MLLT1: variants seen among roughly 807,000 people sequenced by gnomAD.
MLLT1 encodes the protein protein ENL.
MLLT1 carries 11 observed loss-of-function variants against 55.1 expected under a neutral mutation model. The ratio of observed to expected loss-of-function variants is 0.20; its 90% CI spans 0.13 to 0.33. The LOEUF is 0.33. Ranked by LOEUF, MLLT1 falls within the 10% of genes least tolerant of loss-of-function variation. The pLI is 1.00. For missense variants in MLLT1, 536 were observed against 760.6 expected (o/e 0.70, Z 3.47); for synonymous variants, 323 against 320.1 (o/e 1.01, Z -0.10).
intron 1 of MLLT1, among the ~76,000 whole-genome samples, chr19:6,276,670 G>A (rs977263199): frequency 3.3e-5 from 5 of 151,864 alleles, no homozygotes; most frequent in Non-Finnish European, 7.4e-5. Context: ...CCTCCCCCCG[G>A]CCCCAGCCCA....
chr19:6,228,018 G>A (rs958244440), intron 4 of MLLT1, among the ~76,000 whole-genome samples: 5 of 152,208 alleles, frequency 3.3e-5, no homozygotes, highest in Admixed American at 6.5e-5. Context: ...TTTCATCTAA[G>A]GACACTGATG....
intron 2 of MLLT1, among the ~76,000 whole-genome samples, chr19:6,268,621 A>C (rs1319525369): frequency 6.6e-6 from 1 of 152,188 alleles, no homozygotes; most frequent in Non-Finnish European, 1.5e-5. Flanking sequence ...TCCCTCTCTA[A>C]AGTTTTATTC....
chr19:6,253,166 G>A (rs2091232410), intron 3 of MLLT1, among the ~76,000 whole-genome samples: 1 of 144,672 alleles, frequency 6.9e-6, no homozygotes, highest in Admixed American at 7.2e-5. Flanking sequence ...TCGGGAGGCT[G>A]AAGCAAGAGA....
rs2091261336 is a variant in MLLT1 at position 6,256,862 on chromosome 19, G to C, written c.276+5366C>G. On this transcript the variant is annotated intron_variant, in intron 3 of 11. Transcript: ENST00000252674. The surrounding 1 kb of genome is among the most constrained non-coding windows in gnomAD (Gnocchi z 4.1). Reference sequence around the variant, plus strand: ...GTAGACCAATGAAATAGAATTCAGAGTCCAGTTTTAAACCCCAAATCTATG... The same window carrying C: ...GTAGACCAATGAAATAGAATTCAGACTCCAGTTTTAAACCCCAAATCTATG... 2.0e-5 allele frequency among the ~76,000 whole-genome samples: 3 copies of C among 152,214 alleles called. No individual in the cohort carries two copies. The highest frequency in any genetic ancestry group is 4.4e-5 in the Non-Finnish European group (3 of 68,048).
At chr19:6,234,558 A>G (rs1165560811) in intron 3 of MLLT1, among the ~76,000 whole-genome samples, 1 of 152,210 alleles carries the variant, frequency 6.6e-6, no homozygotes, top group Non-Finnish European at 1.5e-5. Context: ...AGCTGACCCA[A>G]GAAGGACCAC....
rs373581955 is a variant in MLLT1, at chr19:6,270,754, G to A, written c.18C>T (p.Thr6=). The stretch of plus-strand genomic sequence containing the variant: ...GCCCCAGCTCTAACCTCACCTGGAC[G>A]GTGCACTGGAGGAGAGAGAGGTGGG... The part of the protein sequence containing the change: MDNQC[T]VQVRLELGHR... Residue 6 remains threonine (T), a synonymous_variant, in exon 2 of 12, where the codon ACC becomes ACT. Coordinates refer to ENST00000252674, the MANE Select transcript of MLLT1 (RefSeq NM_005934.4). The surrounding 1 kb of genome is among the most constrained non-coding windows in gnomAD (Gnocchi z 7.1). 8.1e-6 allele frequency: 13 copies of A among 1,604,234 alleles called. No individual in the cohort carries two copies. Among genetic ancestry groups the A allele is most frequent in the East Asian group, 2.2e-5 (1 of 44,586 alleles).
chr19:6,215,155 G>A (rs368825462), intron 8 of MLLT1, among the ~76,000 whole-genome samples: 44 of 151,764 alleles, frequency 2.9e-4, no homozygotes, highest in South Asian at 8.3e-4. Context: ...TGGCCTGGGC[G>A]CTCCCTGCCC....
At chr19:6,232,466 A>G (rs553134183) in intron 3 of MLLT1, among the ~76,000 whole-genome samples, 3 of 152,258 alleles carry the variant, frequency 2.0e-5, no homozygotes, top group Non-Finnish European at 2.9e-5. Flanking sequence ...GGACGTAAGC[A>G]CTAACGCCAC....
At chr19:6,243,437 CTGCATTATAA>C (rs1185718552) in intron 3 of MLLT1, among the ~76,000 whole-genome samples, 1 of 152,212 alleles carries the variant, frequency 6.6e-6, no homozygotes, top group African/African-American at 2.4e-5. Flanking sequence ...GGAGCCAGGT[CTGCATTATAA>C]TGTCACTGAC....
chr19:6,215,221 C>T lies in MLLT1; in HGVS notation c.1308-1183G>A, dbSNP rs528937566. ...TCACCCAGGGCCCACACAAACGTTC[C>T]GGGAGGAATCAAAAGGCGCTTCGCG... On this transcript the variant is annotated intron_variant, in intron 8 of 11. Transcript: ENST00000252674. Among the ~76,000 whole-genome samples the T allele has an allele frequency of 3.9e-5, 6 of 152,360 alleles. No homozygotes were observed. In the South Asian group the frequency reaches 8.3e-4, roughly 21 times the overall value.
chr19:6,278,230 G>A (rs1419916879), intron 1 of MLLT1, among the ~76,000 whole-genome samples: 1 of 152,246 alleles, frequency 6.6e-6, no homozygotes, highest in African/African-American at 2.4e-5. Flanking sequence ...GAAAGCCAGG[G>A]CAGCAGAGGA....
chr19:6,213,378 G>A lies in MLLT1; in HGVS notation c.1510C>T (p.Arg504Trp). 1.9e-6 allele frequency: 3 copies of A among 1,611,984 alleles called. No homozygotes were observed. Among genetic ancestry groups the A allele is most frequent in the Non-Finnish European group, 2.5e-6 (3 of 1,179,910 alleles). ...AYTDELVELH[R>W]RLMALRERNV... ...CGCTCCCGCAGCGCCATCAGCCTCCGGTGTAGCTCCACCAGCTCATCCGTG... is the reference window on the plus strand; with the variant it reads ...CGCTCCCGCAGCGCCATCAGCCTCCAGTGTAGCTCCACCAGCTCATCCGTG... The change falls in exon 11 of 12, where the codon CGG becomes TGG. Residue 504 changes from arginine to tryptophan, a missense_variant. Arg to Trp is a moderately radical substitution (Grantham distance 101). Coordinates refer to ENST00000252674, the MANE Select transcript of MLLT1 (RefSeq NM_005934.4).
rs991685483 is a variant in MLLT1 at position 6,226,226 on chromosome 19, G to A, written c.546+751C>T. ...GAGAGATGTGTGGGTGGCAGGCACC[G>A]GGCAGCTGCCCCGAGGGCCCGTGCC... On this transcript the variant is annotated intron_variant, in intron 5 of 11. Coordinates refer to ENST00000252674, the MANE Select transcript of MLLT1 (RefSeq NM_005934.4). This position sits in a 1 kb window ranked among gnomAD's most constrained non-coding sequence, Gnocchi z 6.3. Among the ~76,000 whole-genome samples the A allele has an allele frequency of 2.6e-5, 4 of 152,212 alleles. No homozygotes were observed. Among genetic ancestry groups the A allele is most frequent in the Admixed American group, 2.0e-4 (3 of 15,280 alleles).
rs1000181700 is a variant in MLLT1 at position 6,252,458 on chromosome 19, G to GA, written c.276+9769dup. Among the ~76,000 whole-genome samples the GA allele has an allele frequency of 3.3e-4, 51 of 152,246 alleles. 1 individual carries two copies. The highest frequency in any genetic ancestry group is 1.1e-3 in the African/African-American group (45 of 41,536). The stretch of plus-strand genomic sequence containing the variant: ...GTCTCTCCTATTGATTTTGTCTGGA[G>GA]AAAAAACCCCAACAAATACAACAAC... On this transcript the variant is annotated intron_variant, in intron 3 of 11. Coordinates refer to ENST00000252674, the MANE Select transcript of MLLT1 (RefSeq NM_005934.4).
chr19:6,227,192 C>A lies in MLLT1; in HGVS notation c.421-90G>T, dbSNP rs2090964225. 1.5e-6 allele frequency: 2 copies of A among 1,351,136 alleles called. No individual in the cohort carries two copies. The highest frequency in any genetic ancestry group is 2.7e-5 in the South Asian group (2 of 72,750). The allele number at this position is 1,351,136 out of a possible 1,614,324, so 83.7% of individuals were successfully genotyped here. On this transcript the variant is annotated intron_variant, in intron 4 of 11. Coordinates refer to ENST00000252674, the MANE Select transcript of MLLT1 (RefSeq NM_005934.4). The surrounding 1 kb of genome is among the most constrained non-coding windows in gnomAD (Gnocchi z 5.1). ...CTGAAGGTGGTGGGGCTTCCCTCTG[C>A]AGGAGGGGAGAAGGGAGAGCCTGAG... is the stretch of plus-strand genomic sequence containing the variant.
rs1230184305 is a variant in MLLT1 at position 6,229,017 on chromosome 19, T to C, written c.420+1553A>G. ...TGTTGAGACGATGCCCTCAGAGCCT[T>C]CATCGCTGTGGAGCAAAGGAAGCCG... On this transcript the variant is annotated intron_variant, in intron 4 of 11. Transcript: ENST00000252674. The surrounding 1 kb of genome is among the most constrained non-coding windows in gnomAD (Gnocchi z 5.2). 3.3e-5 allele frequency among the ~76,000 whole-genome samples: 5 copies of C among 152,256 alleles called. No homozygotes were observed. The East Asian group carries it at 7.7e-4, about 24-fold the overall frequency.
At chr19:6,233,160 C>A (rs1025120237) in intron 3 of MLLT1, among the ~76,000 whole-genome samples, 1 of 152,226 alleles carries the variant, frequency 6.6e-6, no homozygotes, top group African/African-American at 2.4e-5. Flanking sequence ...CCCCAGCCTG[C>A]CTGCAGTGCC....
At chr19:6,215,491 T>C (rs2090832944) in intron 8 of MLLT1, among the ~76,000 whole-genome samples, 1 of 152,100 alleles carries the variant, frequency 6.6e-6, no homozygotes, top group African/African-American at 2.4e-5. Context: ...GAGCCACTGC[T>C]CCTGCTCTGT....
At chr19:6,259,799 TAAAAAAAA>T (rs60832951) in intron 3 of MLLT1, 7 of 70,138 alleles carry the variant, frequency 1.0e-4, no homozygotes, top group African/African-American at 2.1e-4. Flanking sequence ...AAACATGACT[TAAAAAAAA>T]AAAAAAAAAA....
Sources: gnomAD v4.1 joint callset for allele counts (sites outside exome capture counted in the v4.1 genomes callset) on GRCh38, gnomAD v4.1.1 for gene constraint, Gnocchi (gnomAD v3.1) non-coding constraint, MANE v1.5 for transcripts, NCBI Gene and HGNC (gene_info 2026-07-23, HGNC 2026-07-21) for gene names.